The following UNC13C variants were observed in gnomAD, a reference collection of about 807,000 sequenced individuals.
The protein encoded by UNC13C is protein unc-13 homolog C.
Under a neutral mutation model 245.4 loss-of-function variants are expected in UNC13C, and 174 were observed. The observed-to-expected ratio is 0.71, with a 90% CI of 0.63 to 0.80. The LOEUF is 0.80. Among genes scored for constraint, UNC13C ranks in the 30% least tolerant of loss-of-function variants. The probability of loss-of-function intolerance (pLI) is 0.00; values close to 1 mark genes in which losing one functional copy is unlikely to be tolerated. For synonymous variants in UNC13C, 992 were observed against 895.1 expected, an observed-to-expected ratio of 1.11 and a Z score of -1.93; for missense variants, 2,829 against 2,602.9, an observed-to-expected ratio of 1.09 and a Z score of -1.89.
chr15:54,280,836 C>A (rs142283671), intron 10 of UNC13C, among the ~76,000 whole-genome samples: 16 of 150,932 alleles, frequency 1.1e-4, no homozygotes, highest in African/African-American at 1.7e-4. Flanking sequence ...CTCACTCTGT[C>A]GCCCAGGCTA....
At chr15:54,543,010 T>C (rs1442762083) in intron 26 of UNC13C, among the ~76,000 whole-genome samples, 1 of 152,162 alleles carries the variant, frequency 6.6e-6, no homozygotes, top group Non-Finnish European at 1.5e-5. Context: ...TTAAGATTAA[T>C]ATTGTTATGT....
rs780884252 is a variant in UNC13C, at chr15:54,013,595, G to A, written c.692G>A (p.Ser231Asn). The A allele has an allele frequency of 6.8e-6, 11 of 1,613,678 alleles. No individual in the cohort carries two copies. The highest frequency in any genetic ancestry group is 5.5e-5 in the South Asian group (5 of 91,036). ...ACAAATGCCCTGGAGCCAGGGTTCA[G>A]TTCCTCTGGCTGCATTAGCCAAACA... ...PKTNALEPGF[S>N]SSGCISQTHD... The change falls in exon 2 of 33, where the codon AGT becomes AAT. Residue 231 changes from serine to asparagine, a missense_variant. By Grantham distance (46) the Ser-to-Asn change is conservative. Coordinates refer to ENST00000260323, the MANE Select transcript of UNC13C (RefSeq NM_001080534.3).
At chr15:54,301,260 T>A (rs565788536) in intron 13 of UNC13C, among the ~76,000 whole-genome samples, 1 of 150,840 alleles carries the variant, frequency 6.6e-6, no homozygotes, top group South Asian at 2.1e-4. Context: ...GAATGAAGAC[T>A]GGGCCAAAAT....
chr15:53,933,664 T>C, the UNC13C span, among the ~76,000 whole-genome samples: 1 of 152,168 alleles, frequency 6.6e-6, no homozygotes, highest in African/African-American at 2.4e-5. Flanking sequence ...CCACTGTAGC[T>C]CCCTGAGTGC....
At chr15:54,214,942 A>ATT in intron 4 of UNC13C, among the ~76,000 whole-genome samples, 1 of 151,808 alleles carries the variant, frequency 6.6e-6, no homozygotes, top group East Asian at 1.9e-4. Flanking sequence ...AATTAAAGGG[A>ATT]TTTTTTTTCA....
chr15:54,096,897 A>G (rs1289721273), intron 2 of UNC13C, among the ~76,000 whole-genome samples: 2 of 152,224 alleles, frequency 1.3e-5, no homozygotes, highest in African/African-American at 2.4e-5. Context: ...AATAACAATT[A>G]TAGCTATTTT....
intron 7 of UNC13C, among the ~76,000 whole-genome samples, chr15:54,238,659 A>G (rs1318652075): frequency 1.3e-5 from 2 of 152,186 alleles, no homozygotes; most frequent in African/African-American, 4.8e-5. Flanking sequence ...TATTTTGCAT[A>G]CACCTTTTCT....
intron 13 of UNC13C, among the ~76,000 whole-genome samples, chr15:54,313,192 T>A (rs1596199110): frequency 6.6e-6 from 1 of 151,830 alleles, no homozygotes; most frequent in Non-Finnish European, 1.5e-5. Flanking sequence ...ATAAGTAGAA[T>A]ATTATTCGCC....
chr15:54,487,540 G>A (rs1332431310), intron 19 of UNC13C, among the ~76,000 whole-genome samples: 1 of 152,020 alleles, frequency 6.6e-6, no homozygotes, highest in Admixed American at 6.6e-5. Context: ...GCTAAGGCGA[G>A]TGGATTACTT....
chr15:54,019,174 C>G (rs57722221), intron 2 of UNC13C, among the ~76,000 whole-genome samples: 12,524 of 152,220 alleles, frequency 0.082, 661 homozygotes, highest in East Asian at 0.16. Context: ...TGAAAACTTA[C>G]CTAGCTTAAT....
chr15:54,332,339 T>TGTGTGTGTGTGTG (rs763306749), intron 15 of UNC13C, among the ~76,000 whole-genome samples: 1 of 91,004 alleles, frequency 1.1e-5, no homozygotes, highest in African/African-American at 4.3e-5. Context: ...GTGTGTGTGT[T>TGTGTGTGTGTGTG]TGTGTATGCA....
chr15:54,580,881 GA>G (rs1898168771), intron 30 of UNC13C, among the ~76,000 whole-genome samples: 1 of 152,104 alleles, frequency 6.6e-6, no homozygotes, highest in African/African-American at 2.4e-5. Flanking sequence ...TGTGACACCT[GA>G]ATGATTCACA....
intron 8 of UNC13C, among the ~76,000 whole-genome samples, chr15:54,257,819 TC>T (rs770311089): frequency 4.6e-5 from 7 of 152,302 alleles, no homozygotes; most frequent in Non-Finnish European, 1.0e-4. Flanking sequence ...GCAGGTCTGT[TC>T]CTTGAAAAGA....
chr15:54,326,378 G>C (rs1475601726), intron 14 of UNC13C, among the ~76,000 whole-genome samples: 2 of 152,072 alleles, frequency 1.3e-5, no homozygotes, highest in African/African-American at 4.8e-5. Flanking sequence ...GTCATTTGCT[G>C]TTGGGCACTA....
intron 2 of UNC13C, among the ~76,000 whole-genome samples, chr15:54,086,573 T>C (rs1180328773): frequency 6.6e-6 from 1 of 152,060 alleles, no homozygotes; most frequent in Non-Finnish European, 1.5e-5. Context: ...TTTGTGTTTG[T>C]TTTGTAATCT....
At chr15:54,563,555 A>C (rs1345291301) in intron 29 of UNC13C, among the ~76,000 whole-genome samples, 1 of 152,020 alleles carries the variant, frequency 6.6e-6, no homozygotes, top group African/African-American at 2.4e-5. Context: ...ACAAGAAACC[A>C]AGTCTTGGTC....
chr15:54,207,903 ATAG>A (rs2034764798), intron 4 of UNC13C, among the ~76,000 whole-genome samples: 1 of 152,136 alleles, frequency 6.6e-6, no homozygotes, highest in African/African-American at 2.4e-5. Flanking sequence ...AATAAGCATA[ATAG>A]TAGTTCCATT....
intron 30 of UNC13C, among the ~76,000 whole-genome samples, chr15:54,585,657 ACTT>A (rs1469406551): frequency 1.3e-5 from 2 of 152,146 alleles, no homozygotes; most frequent in Admixed American, 1.3e-4. Flanking sequence ...AACCCGGAAA[ACTT>A]CTCCACAAAG....
chr15:54,512,475 C>A, intron 24 of UNC13C: 1 of 424,588 alleles, frequency 2.4e-6, no homozygotes. Flanking sequence ...TTCCCATTTG[C>A]TTGTTTGGAA....
Sources: allele counts gnomAD v4.1 joint callset (sites outside exome capture counted in the v4.1 genomes callset), GRCh38; gene constraint gnomAD v4.1.1; transcripts MANE v1.5; gene names NCBI Gene and HGNC (gene_info 2026-07-23, HGNC 2026-07-21).